Variants in TMEM50A observed in about 807,000 individuals in gnomAD.
TMEM50A encodes the protein cervical cancer oncogene 9.
A neutral mutation model predicts 23.9 loss-of-function variants in TMEM50A; 8 were observed. The ratio of observed to expected loss-of-function variants is 0.33; its 90% CI spans 0.20 to 0.60. The LOEUF is 0.60. Among genes scored for constraint, TMEM50A ranks in the 20% least tolerant of loss-of-function variants. TMEM50A has a pLI of 0.81. For synonymous variants in TMEM50A, 55 were observed against 60.4 expected (o/e 0.91, Z 0.41); for missense variants, 178 against 192.7 (o/e 0.92, Z 0.45).
chr1:25,353,079 A>G, intron 5 of TMEM50A, 105 bp downstream of exon 5: 1 of 893,572 alleles, frequency 1.1e-6, no homozygotes, highest in Non-Finnish European at 1.7e-6. Context: ...TGGGCCAACT[A>G]CTAGCGATGC....
chr1:25,355,450 A>G (rs1480201234), intron 5 of TMEM50A, among the ~76,000 whole-genome samples: 5 of 152,260 alleles, frequency 3.3e-5, no homozygotes, highest in African/African-American at 9.6e-5. Context: ...AGATACAACT[A>G]TTAATACAGG....
intron 5 of TMEM50A, among the ~76,000 whole-genome samples, chr1:25,353,309 G>C (rs1167801623): frequency 6.6e-6 from 1 of 152,058 alleles, no homozygotes; most frequent in Non-Finnish European, 1.5e-5. Flanking sequence ...TTAGAGACAA[G>C]AGTCTCACTA....
intron 3 of TMEM50A, among the ~76,000 whole-genome samples, chr1:25,349,531 T>C (rs1454547529): frequency 6.6e-6 from 1 of 152,046 alleles, no homozygotes; most frequent in Non-Finnish European, 1.5e-5. Context: ...TCACTGAAAA[T>C]AATTGAGTAT....
chr1:25,340,197 A>C (rs969322164), intron 1 of TMEM50A, among the ~76,000 whole-genome samples: 1 of 152,076 alleles, frequency 6.6e-6, no homozygotes, highest in Non-Finnish European at 1.5e-5. Flanking sequence ...CAGCCTCCCA[A>C]ATTGGTAGGA....
chr1:25,356,663 T>C (rs1645336167), intron 5 of TMEM50A, 130 bp from the exon 6 acceptor site: 1 of 669,646 alleles, frequency 1.5e-6, no homozygotes, highest in Admixed American at 3.2e-5. Context: ...TTATGTCTTT[T>C]AATACTCAAG....
At chr1:25,357,721 T>G (rs1182758557) in intron 6 of TMEM50A, among the ~76,000 whole-genome samples, 1 of 151,758 alleles carries the variant, frequency 6.6e-6, no homozygotes, top group Non-Finnish European at 1.5e-5. Flanking sequence ...CACTGCAACC[T>G]CCGCCTCCCG....
intron 6 of TMEM50A, 82 bp downstream of exon 6, chr1:25,356,935 C>T (rs762995661): frequency 8.3e-5 from 83 of 999,058 alleles, no homozygotes; most frequent in Non-Finnish European, 1.2e-4. Context: ...ATTTAGTTGC[C>T]TAATTACTCA....
At position 25,360,657 on chromosome 1, in the gene TMEM50A, C is replaced by T. The variant is rs774370860; in HGVS notation, c.429-3C>T. The T allele has an allele frequency of 2.5e-6, 4 of 1,614,022 alleles. No individual in the cohort carries two copies. In the East Asian group the frequency reaches 8.9e-5, roughly 36 times the overall value. On this transcript the variant is annotated splice_region_variant and splice_polypyrimidine_tract_variant and intron_variant, in intron 6 of 6. Coordinates refer to ENST00000374358, the MANE Select transcript of TMEM50A (RefSeq NM_014313.4). Reference sequence around the variant, plus strand: ...CATGTGATATTTCTTGTTTTATTCACAGAGGGCTGGTTTTTAAGTTTGGCC... The same window carrying T: ...CATGTGATATTTCTTGTTTTATTCATAGAGGGCTGGTTTTTAAGTTTGGCC...
intron 4 of TMEM50A, 130 bp downstream of exon 4, chr1:25,351,823 GT>G: frequency 1.3e-6 from 1 of 778,210 alleles, no homozygotes; most frequent in Non-Finnish European, 2.0e-6. Context: ...TGAATCTATT[GT>G]TTTATGTTTT....
At chr1:25,345,511 C>T (rs189096821) in intron 3 of TMEM50A, among the ~76,000 whole-genome samples, 4 of 152,014 alleles carry the variant, frequency 2.6e-5, no homozygotes, top group Non-Finnish European at 2.9e-5. Flanking sequence ...ACCCAGGAGG[C>T]GGAGGTTGCA....
chr1:25,342,444 C>T (rs1645177096), intron 2 of TMEM50A: 1 of 152,156 alleles, frequency 6.6e-6, no homozygotes, highest in Non-Finnish European at 1.5e-5. Flanking sequence ...TTTAAAATCA[C>T]ACCTGAAACC....
intron 3 of TMEM50A, among the ~76,000 whole-genome samples, chr1:25,348,518 C>G (rs1343843259): frequency 1.3e-5 from 2 of 152,068 alleles, no homozygotes; most frequent in Non-Finnish European, 2.9e-5. Flanking sequence ...AGCCCCGTCT[C>G]TACTAAAATA....
At chr1:25,348,318 A>G (rs1484847219) in intron 3 of TMEM50A, among the ~76,000 whole-genome samples, 1 of 152,182 alleles carries the variant, frequency 6.6e-6, no homozygotes, top group Non-Finnish European at 1.5e-5. Context: ...CTCTTATTAC[A>G]AAAGTTCTCT....
At chr1:25,352,838 T>C (rs1645287157) in intron 4 of TMEM50A, 44 bp from the exon 5 acceptor site, 2 of 1,550,754 alleles carry the variant, frequency 1.3e-6, no homozygotes, top group Non-Finnish European at 1.8e-6. Context: ...TTAATTGTAC[T>C]GCCCTATAAG....
intron 2 of TMEM50A, among the ~76,000 whole-genome samples, chr1:25,341,702 T>G (rs1284325340): frequency 1.3e-5 from 2 of 151,984 alleles, no homozygotes; most frequent in African/African-American, 4.8e-5. Context: ...CTTTAAGATT[T>G]ATTTATTTTC....
At chr1:25,351,355 A>T (rs1645273482) in intron 3 of TMEM50A, among the ~76,000 whole-genome samples, 1 of 152,086 alleles carries the variant, frequency 6.6e-6, no homozygotes, top group Admixed American at 6.5e-5. Flanking sequence ...AAAAATTTTT[A>T]AAAATTAGCT....
chr1:25,338,934 G>A (rs1645134346), intron 1 of TMEM50A: 1 of 152,032 alleles, frequency 6.6e-6, no homozygotes, highest in Admixed American at 6.6e-5. Flanking sequence ...TTCGGGGTGG[G>A]GCCATTGGGA....
At position 25,352,933 on chromosome 1, in the gene TMEM50A, T is replaced by C. The variant is rs754666038; in HGVS notation, c.326T>C (p.Ile109Thr). Residue 109 changes from isoleucine to threonine, a missense_variant, in exon 5 of 7, where the codon ATT becomes ACT. By Grantham distance (89) the Ile-to-Thr change is moderately conservative. Coordinates refer to ENST00000374358, the MANE Select transcript of TMEM50A (RefSeq NM_014313.4). ...TTCATGTTGGCCTTTGGATCTCTGA[T>C]TGCATCTATGTGGATTCTTTTTGGA... ...VGFMLAFGSL[I>T]ASMWILFGGY... is the part of the protein sequence containing the mutation. The C allele has an allele frequency of 6.2e-7, 1 of 1,613,990 alleles. No individual in the cohort carries two copies. The highest frequency in any genetic ancestry group is 8.5e-7 in the Non-Finnish European group (1 of 1,179,966).
chr1:25,342,251 G>T (rs759510178), intron 2 of TMEM50A, among the ~76,000 whole-genome samples: 27 of 152,070 alleles, frequency 1.8e-4, no homozygotes, highest in Non-Finnish European at 3.4e-4. Flanking sequence ...AGGAAAGGGG[G>T]TTACTTTTAA....
Sources: gnomAD v4.1 joint callset for allele counts (sites outside exome capture counted in the v4.1 genomes callset) on GRCh38, gnomAD v4.1.1 for gene constraint, MANE v1.5 for transcripts, NCBI Gene and HGNC (gene_info 2026-07-23, HGNC 2026-07-21) for gene names.